The following MRE11 variants were observed in gnomAD, a reference collection of about 807,000 sequenced individuals.
MRE11 encodes the protein double-strand break repair protein MRE11.
In MRE11, 62 loss-of-function variants were observed where a neutral mutation model predicts 91.7. That is an observed-to-expected ratio of 0.68 (90% CI 0.55 to 0.84). The LOEUF (loss-of-function observed/expected upper bound fraction) is 0.84, where lower values mean the gene tolerates loss of function less well. Among genes scored for constraint, MRE11 ranks in the 40% least tolerant of loss-of-function variants. The pLI is 0.00. For missense variants in MRE11, 796 were observed against 852.9 expected (o/e 0.93, Z 0.83); for synonymous variants, 273 against 271.4 (o/e 1.01, Z -0.06).
At chr11:94,439,144 A>G (rs1400862165) in intron 16 of MRE11, among the ~76,000 whole-genome samples, 2 of 152,200 alleles carry the variant, frequency 1.3e-5, no homozygotes, top group Non-Finnish European at 2.9e-5. Flanking sequence ...CCTTGTTATA[A>G]GAGAATTTGA....
At chr11:94,508,375 T>G in the MRE11 span, among the ~76,000 whole-genome samples, 1 of 152,206 alleles carries the variant, frequency 6.6e-6, no homozygotes, top group Admixed American at 6.5e-5. Context: ...TCATGAAGGT[T>G]TTTTTCATTG....
chr11:94,462,082 T>G (rs12365123), intron 11 of MRE11, among the ~76,000 whole-genome samples: 9,073 of 151,710 alleles, frequency 0.06, 362 homozygotes, highest in Middle Eastern at 0.096. Context: ...CTCAAAAAAA[T>G]GAAAATAAAA....
intron 5 of MRE11, 146 bp downstream of exon 5, chr11:94,479,528 T>C (rs1946960295): frequency 2.9e-6 from 2 of 692,842 alleles, no homozygotes; most frequent in South Asian, 1.7e-5. Flanking sequence ...AAAAGCAGTA[T>C]AAAAGCTTGT....
At position 94,456,263 on chromosome 11, in the gene MRE11, G is replaced by A. The variant is rs3218741; in HGVS notation, c.1563+13C>T. On this transcript the variant is annotated intron_variant, in intron 14 of 19. Transcript: ENST00000323929. ...TGATATATAAACACAAGAATTTGCA[G>A]CAGAATAATTACCTCACGGACTTCA... The A allele has an allele frequency of 1.2e-4, 188 of 1,611,914 alleles. 4 individuals carry two copies. In the South Asian group the frequency reaches 1.9e-3, roughly 16 times the overall value.
intron 7 of MRE11, chr11:94,473,350 A>C (rs1029432550): frequency 6.6e-6 from 1 of 152,158 alleles, no homozygotes; most frequent in African/African-American, 2.4e-5. Flanking sequence ...CGGAAGAAGA[A>C]GGGAGGATGA....
chr11:94,486,378 C>G (rs1947142651), intron 3 of MRE11, among the ~76,000 whole-genome samples: 1 of 152,162 alleles, frequency 6.6e-6, no homozygotes, highest in African/African-American at 2.4e-5. Flanking sequence ...AAACTTAGCA[C>G]TTTAACAGAA....
At chr11:94,466,919 C>T (rs535582463) in intron 10 of MRE11, among the ~76,000 whole-genome samples, 2 of 152,246 alleles carry the variant, frequency 1.3e-5, no homozygotes, top group South Asian at 4.1e-4. Flanking sequence ...AGTCATCACT[C>T]TATTGGTGGT....
At chr11:94,499,771 G>C in the MRE11 span, among the ~76,000 whole-genome samples, 1 of 152,138 alleles carries the variant, frequency 6.6e-6, no homozygotes. Flanking sequence ...TCCAGGGGAA[G>C]GGAACTAAAC....
intron 4 of MRE11, among the ~76,000 whole-genome samples, chr11:94,482,500 C>T (rs1294740078): frequency 6.6e-6 from 1 of 152,040 alleles, no homozygotes; most frequent in Non-Finnish European, 1.5e-5. Context: ...AAGAAGGAAA[C>T]TGAATCTACA....
chr11:94,444,443 T>C (rs536423585), intron 16 of MRE11, among the ~76,000 whole-genome samples: 2 of 152,326 alleles, frequency 1.3e-5, no homozygotes, highest in South Asian at 2.1e-4. Context: ...GCTGAAGCCA[T>C]GGTTTTTAGT....
rs11020777 is a variant in MRE11, at chr11:94,419,467, A to G, written c.*658T>C. 4.6e-4 allele frequency: 65 copies of G among 142,590 alleles called. No individual in the cohort carries two copies. The highest frequency in any genetic ancestry group is 9.1e-4 in the South Asian group (3 of 3,282). 8.8% of individuals were successfully genotyped at this position (142,590 alleles called of 1,614,324 possible). A position where few individuals can be genotyped will look rare whatever the true frequency, so the allele number is the denominator to read the frequency against. On this transcript the variant is annotated 3_prime_UTR_variant, in exon 20 of 20. Coordinates refer to ENST00000323929, the MANE Select transcript of MRE11 (RefSeq NM_005591.4). ...AGAGTGGGGAACGGGGGGGAGAGGG[A>G]GAGAGAGAGAGAGAGAGAGAGAGAG... is the stretch of plus-strand genomic sequence containing the variant.
Position 94,459,545 on chromosome 11 carries a change from C to T in MRE11, c.1363G>A (p.Gly455Ser). 1.2e-6 allele frequency: 2 copies of T among 1,614,006 alleles called. No homozygotes were observed. The highest frequency in any genetic ancestry group is 1.7e-6 in the Non-Finnish European group (2 of 1,179,914). ...QLSLLTERGM[G>S]EAVQEFVDKE... ...TCCACAAATTCTTGTACTGCTTCACCCATCCCTCTTTCTGTTAGCAGTGAG... is the reference window on the plus strand; with the variant it reads ...TCCACAAATTCTTGTACTGCTTCACTCATCCCTCTTTCTGTTAGCAGTGAG... Residue 455 changes from glycine (G) to serine (S), a missense_variant, in exon 13 of 20, where the codon GGT becomes AGT. Coordinates refer to ENST00000323929, the MANE Select transcript of MRE11 (RefSeq NM_005591.4).
rs1465250609 is a variant in MRE11 at position 94,445,684 on chromosome 11, TC to T, written c.1867+125del. The T allele has an allele frequency of 4.0e-6, 3 of 757,380 alleles. No homozygotes were observed. The East Asian group carries it at 7.4e-5, about 19-fold the overall frequency. The allele number at this position is 757,380 out of a possible 1,614,324, so 46.9% of individuals were successfully genotyped here. ...CAAAGATCTTTTAAAAAATAATTTATCCTGTGATCCTAATTGCCCTTATAAC... is the reference window on the plus strand; with the variant it reads ...CAAAGATCTTTTAAAAAATAATTTATCTGTGATCCTAATTGCCCTTATAAC... On this transcript the variant is annotated intron_variant, in intron 16 of 19. Transcript: ENST00000323929.
In MRE11 at chr11:94,470,453, T is replaced by G. The variant is rs2135038611; in HGVS notation, c.1017+18A>C. On this transcript the variant is annotated intron_variant, in intron 9 of 19. Transcript: ENST00000323929. Reference sequence around the variant, plus strand: ...TTCAACTAAAGTAGATCTCATTGACTTTATCAAAAAGAATTACCTTCTCCA... The same window carrying G: ...TTCAACTAAAGTAGATCTCATTGACGTTATCAAAAAGAATTACCTTCTCCA... 4.3e-6 allele frequency: 7 copies of G among 1,609,880 alleles called. No homozygotes were observed. Among genetic ancestry groups the G allele is most frequent in the Non-Finnish European group, 2.5e-6 (3 of 1,176,890 alleles).
chr11:94,470,011 T>C (rs1226372963), intron 9 of MRE11, among the ~76,000 whole-genome samples: 3 of 152,038 alleles, frequency 2.0e-5, no homozygotes, highest in Non-Finnish European at 4.4e-5. Context: ...ATTGCAGCAA[T>C]AGGGTGGATA....
intron 11 of MRE11, among the ~76,000 whole-genome samples, chr11:94,461,450 C>T (rs548963855): frequency 3.0e-4 from 45 of 152,190 alleles, no homozygotes; most frequent in South Asian, 8.3e-4. Flanking sequence ...CAAGGTAGTT[C>T]GGTATTGATG....
intron 3 of MRE11, among the ~76,000 whole-genome samples, chr11:94,490,046 G>C (rs1286139259): frequency 2.0e-5 from 3 of 151,886 alleles, no homozygotes; most frequent in Non-Finnish European, 4.4e-5. Context: ...CATCCCTAAG[G>C]TCAATACTTC....
chr11:94,449,314 C>CA (rs1384528969), intron 14 of MRE11, among the ~76,000 whole-genome samples: 5 of 152,156 alleles, frequency 3.3e-5, no homozygotes, highest in Admixed American at 2.6e-4. Context: ...GGAAATACAA[C>CA]AAAAAATATA....
the MRE11 span, among the ~76,000 whole-genome samples, chr11:94,511,438 C>T: frequency 8.6e-5 from 13 of 152,032 alleles, no homozygotes; most frequent in Non-Finnish European, 1.5e-4. Context: ...GCAAGACTAG[C>T]CTAATACAAT....
Sources: gnomAD v4.1 joint callset for allele counts (sites outside exome capture counted in the v4.1 genomes callset) on GRCh38, gnomAD v4.1.1 for gene constraint, MANE v1.5 for transcripts, NCBI Gene and HGNC (gene_info 2026-07-23, HGNC 2026-07-21) for gene names.